The following TNFRSF11A variants were observed in gnomAD, a reference collection of about 807,000 sequenced individuals.
The protein encoded by TNFRSF11A is TNF receptor superfamily member 11a, also known as tumor necrosis factor receptor superfamily member 11A.
In TNFRSF11A, 32 loss-of-function variants were observed where a neutral mutation model predicts 55.7. The ratio of observed to expected loss-of-function variants is 0.57; its 90% CI spans 0.43 to 0.77. TNFRSF11A has a LOEUF of 0.77. Ranked by LOEUF, TNFRSF11A falls within the 30% of genes least tolerant of loss-of-function variation. The pLI, the probability that TNFRSF11A is intolerant of heterozygous loss-of-function variation, is 0.00. For missense variants in TNFRSF11A, 753 were observed against 809.8 expected (o/e 0.93, Z 0.85); for synonymous variants, 311 against 331.0 (o/e 0.94, Z 0.65).
At position 62,387,200 on chromosome 18, in the gene TNFRSF11A, C is replaced by T. The variant is rs1286568747; in HGVS notation, c.*2166C>T. The T allele has an allele frequency of 6.6e-6, 1 of 152,156 alleles. No homozygotes were observed. Among genetic ancestry groups the T allele is most frequent in the Non-Finnish European group, 1.5e-5 (1 of 68,014 alleles). The allele number at this position is 152,156 out of a possible 1,614,324, so 9.4% of individuals were successfully genotyped here. Reference sequence around the variant, plus strand: ...ATATACATAAGTAAGACTCTACTTTCAGAAAAAGGTAATATTATTTCCTGC... The same window carrying T: ...ATATACATAAGTAAGACTCTACTTTTAGAAAAAGGTAATATTATTTCCTGC... On this transcript the variant is annotated 3_prime_UTR_variant, in exon 10 of 10. Coordinates refer to ENST00000586569, the MANE Select transcript of TNFRSF11A (RefSeq NM_003839.4).
chr18:62,378,236 A>G (rs781106627), intron 9 of TNFRSF11A: 10 of 152,226 alleles, frequency 6.6e-5, no homozygotes, highest in Non-Finnish European at 4.4e-5. Context: ...TGAGGTATCT[A>G]TTAGATAAGG....
At chr18:62,368,595 A>G in intron 8 of TNFRSF11A, 106 bp from the exon 9 acceptor site, 1 of 1,165,316 alleles carries the variant, frequency 8.6e-7, no homozygotes, top group South Asian at 1.3e-5. Context: ...TGTACTTGTT[A>G]TGGTGGAAAT....
chr18:62,354,432 C>A lies in TNFRSF11A; in HGVS notation c.325C>A (p.Pro109Thr), dbSNP rs765554551. 1 of 1,597,202 alleles carries A rather than the reference C, an allele frequency of 6.3e-7. No individual in the cohort carries two copies. Among genetic ancestry groups the A allele is most frequent in the Admixed American group, 1.7e-5 (1 of 59,728 alleles). ...VAVVAGNSTT[P>T]RRCACTAGYH... The stretch of plus-strand genomic sequence containing the variant: ...CGTGGTCGCCGGCAACAGCACGACC[C>A]CCCGGCGCTGCGCGTGCACGGCTGG... The change falls in exon 4 of 10, where the codon CCC (proline) becomes ACC (threonine). Residue 109 changes from proline (P) to threonine (T), a missense_variant. Pro to Thr is a conservative substitution (Grantham distance 38). This residue lies in a region of TNFRSF11A where 156 missense variants were observed against 155.1 expected (regional missense o/e 1.01). Coordinates refer to ENST00000586569, the MANE Select transcript of TNFRSF11A (RefSeq NM_003839.4).
intron 4 of TNFRSF11A, 120 bp downstream of exon 4, chr18:62,354,654 G>A (rs1293434975): frequency 7.0e-7 from 1 of 1,435,550 alleles, no homozygotes; most frequent in African/African-American, 1.4e-5. Flanking sequence ...GGAGGAACCT[G>A]AGGGATGGGG....
chr18:62,340,943 T>C (rs1235272742), intron 1 of TNFRSF11A, among the ~76,000 whole-genome samples: 2 of 152,242 alleles, frequency 1.3e-5, no homozygotes, highest in African/African-American at 4.8e-5. Context: ...GCCTATGCGA[T>C]GTTGTTCTGA....
At position 62,342,106 on chromosome 18, in the gene TNFRSF11A, AT is replaced by A. The variant is rs1255717165; in HGVS notation, c.76-6060del. ...TGGCCCTTACTTCTGCTTTGCTAAA[AT>A]TCCCATGTGCAGACTGGGTGTGGTG... On this transcript the variant is annotated intron_variant, in intron 1 of 9. Transcript: ENST00000586569. 6.6e-5 allele frequency among the ~76,000 whole-genome samples: 10 copies of A among 151,474 alleles called. No individual in the cohort carries two copies. The South Asian group carries it at 8.4e-4, about 13-fold the overall frequency.
intron 7 of TNFRSF11A, among the ~76,000 whole-genome samples, chr18:62,364,256 G>A (rs7231887): frequency 0.095 from 14,513 of 152,206 alleles, 770 homozygotes; most frequent in East Asian, 0.16. Context: ...TGCATGATGA[G>A]GGGAGCACAG....
Position 62,358,240 on chromosome 18 carries a change from T to A in TNFRSF11A, c.428-8T>A. On this transcript the variant is annotated splice_region_variant and splice_polypyrimidine_tract_variant and intron_variant, in intron 4 of 9. Coordinates refer to ENST00000586569, the MANE Select transcript of TNFRSF11A (RefSeq NM_003839.4). ...TGTCTGGGTTGTTTTTTTTTTTTTT[T>A]CTCACAGTGCAGCTCAACAAGGACA... 6.3e-7 allele frequency: 1 copy of A among 1,589,378 alleles called. No homozygotes were observed. The highest frequency in any genetic ancestry group is 8.6e-7 in the Non-Finnish European group (1 of 1,166,802).
In TNFRSF11A at chr18:62,362,912, C is replaced by T. The variant is rs975511117; in HGVS notation, c.730+1119C>T. On this transcript the variant is annotated intron_variant, in intron 7 of 9. Coordinates refer to ENST00000586569, the MANE Select transcript of TNFRSF11A (RefSeq NM_003839.4). ...AGGCTGGAGTGTAGTGGCACGATCTCGACTCACTGCAGCCTCCGCCTCCCA... is the reference window on the plus strand; with the variant it reads ...AGGCTGGAGTGTAGTGGCACGATCTTGACTCACTGCAGCCTCCGCCTCCCA... Among the ~76,000 whole-genome samples, 7 of 152,228 alleles carry T rather than the reference C, an allele frequency of 4.6e-5. 1 individual carries two copies. In the Middle Eastern group the frequency reaches 0.01, roughly 222 times the overall value.
At chr18:62,363,750 C>A (rs9675866) in intron 7 of TNFRSF11A, among the ~76,000 whole-genome samples, 102 of 152,300 alleles carry the variant, frequency 6.7e-4, no homozygotes, top group African/African-American at 2.3e-3. Context: ...AACATCATTA[C>A]TAGGGATTTG....
intron 7 of TNFRSF11A, among the ~76,000 whole-genome samples, chr18:62,366,322 T>C (rs1253326210): frequency 1.3e-5 from 2 of 152,150 alleles, no homozygotes; most frequent in Non-Finnish European, 2.9e-5. Context: ...TACAGAGATA[T>C]AGAATAAAAC....
intron 9 of TNFRSF11A, among the ~76,000 whole-genome samples, chr18:62,379,812 CAT>C (rs1911140792): frequency 6.6e-6 from 1 of 152,142 alleles, no homozygotes; most frequent in Non-Finnish European, 1.5e-5. Flanking sequence ...ATGAGGGAAA[CAT>C]ATCACAGGAT....
chr18:62,341,024 T>A (rs182503830), intron 1 of TNFRSF11A, among the ~76,000 whole-genome samples: 169 of 152,392 alleles, frequency 1.1e-3, no homozygotes, highest in Admixed American at 3.2e-3. Context: ...ATCTGTAAGA[T>A]TGAAATTCTA....
intron 1 of TNFRSF11A, among the ~76,000 whole-genome samples, chr18:62,328,745 G>A (rs751805986): frequency 7.2e-5 from 11 of 152,190 alleles, no homozygotes; most frequent in Non-Finnish European, 1.2e-4. Flanking sequence ...GCCTTGTTTG[G>A]GGAGCACAGA....
chr18:62,371,756 G>A (rs536778369), intron 9 of TNFRSF11A, among the ~76,000 whole-genome samples: 3 of 152,260 alleles, frequency 2.0e-5, no homozygotes, highest in Admixed American at 2.0e-4. Flanking sequence ...GGTCAAAATA[G>A]TACTTTCTCA....
intron 7 of TNFRSF11A, among the ~76,000 whole-genome samples, chr18:62,364,327 A>G (rs1050048768): frequency 2.6e-5 from 4 of 152,140 alleles, no homozygotes; most frequent in Non-Finnish European, 5.9e-5. Flanking sequence ...ACCAAGTGGA[A>G]GATGAGGCTG....
chr18:62,363,811 G>A (rs1909878800), intron 7 of TNFRSF11A, among the ~76,000 whole-genome samples: 1 of 152,194 alleles, frequency 6.6e-6, no homozygotes, highest in Non-Finnish European at 1.5e-5. Context: ...GTTTATGTGA[G>A]ATAAACAGAC....
chr18:62,336,329 T>C (rs2046232360), intron 1 of TNFRSF11A: 1 of 152,200 alleles, frequency 6.6e-6, no homozygotes, highest in Non-Finnish European at 1.5e-5. Context: ...TCTGCGCACA[T>C]TGGAGAAGCA....
chr18:62,348,141 T>C (rs774892421), intron 1 of TNFRSF11A, 27 bp from the exon 2 acceptor site: 1 of 1,588,940 alleles, frequency 6.3e-7, no homozygotes, highest in Non-Finnish European at 8.6e-7. Flanking sequence ...GTGTGGACTC[T>C]CTGCCTGACC....
Sources: allele counts gnomAD v4.1 joint callset (sites outside exome capture counted in the v4.1 genomes callset), GRCh38; gene constraint gnomAD v4.1.1; regional missense constraint gnomAD v4.1.1; transcripts MANE v1.5; gene names NCBI Gene and HGNC (gene_info 2026-07-23, HGNC 2026-07-21).